ZNHIT6: variants seen among roughly 807,000 people sequenced by gnomAD.
ZNHIT6 encodes the protein box C/D snoRNA protein 1.
A neutral mutation model predicts 57.2 loss-of-function variants in ZNHIT6; 45 were observed. The observed-to-expected ratio is 0.79, with a 90% confidence interval of 0.62 to 1.01. The LOEUF (loss-of-function observed/expected upper bound fraction) is 1.01. Ranked by LOEUF, ZNHIT6 falls within the 50% of genes least tolerant of loss-of-function variation. ZNHIT6 has a pLI of 0.00. For missense variants in ZNHIT6, 528 were observed against 567.3 expected, an observed-to-expected ratio of 0.93 and a Z score of 0.70; for synonymous variants, 188 against 190.0, an observed-to-expected ratio of 0.99 and a Z score of 0.09.
intron 9 of ZNHIT6, among the ~76,000 whole-genome samples, chr1:85,654,946 G>A (rs992653115): frequency 3.3e-5 from 5 of 152,166 alleles, no homozygotes; most frequent in Non-Finnish European, 7.3e-5. Context: ...GCTTATAAAA[G>A]CTGATGCTAG....
At chr1:85,702,070 G>A in intron 5 of ZNHIT6, 87 bp downstream of exon 5, 1 of 797,426 alleles carries the variant, frequency 1.3e-6, no homozygotes, top group Admixed American at 2.7e-5. Flanking sequence ...CCACACTTGG[G>A]GTAGCAATGC....
chr1:85,659,943 T>G (rs961097025), intron 8 of ZNHIT6, among the ~76,000 whole-genome samples: 16 of 152,210 alleles, frequency 1.1e-4, no homozygotes, highest in African/African-American at 3.9e-4. Context: ...ACTGTTTTTC[T>G]AAACCAGCCA....
intron 5 of ZNHIT6, among the ~76,000 whole-genome samples, chr1:85,688,000 G>A (rs1280309788): frequency 6.7e-6 from 1 of 149,422 alleles, no homozygotes; most frequent in Admixed American, 6.7e-5. Context: ...CCGAGATCGT[G>A]CCATTGCACT....
At chr1:85,662,117 C>T (rs1309113161) in intron 8 of ZNHIT6, among the ~76,000 whole-genome samples, 1 of 147,806 alleles carries the variant, frequency 6.8e-6, no homozygotes, top group Non-Finnish European at 1.5e-5. Context: ...AGCTCTTGAA[C>T]TTCTTTCTCT....
At chr1:85,707,467 T>G (rs538301185) in intron 1 of ZNHIT6, among the ~76,000 whole-genome samples, 162 bp downstream of exon 1, 1 of 152,252 alleles carries the variant, frequency 6.6e-6, no homozygotes, top group African/African-American at 2.4e-5. Context: ...TACAACACCC[T>G]CCACTTCCCA....
chr1:85,656,800 A>C (rs1661072651), intron 9 of ZNHIT6, among the ~76,000 whole-genome samples: 1 of 152,128 alleles, frequency 6.6e-6, no homozygotes, highest in Non-Finnish European at 1.5e-5. Flanking sequence ...GCACTGATAC[A>C]ATTTTGGCCA....
rs1570276899 is a variant in ZNHIT6, at chr1:85,654,055, T to C, written c.*3A>G. ...TTTCACTTTCTTCTTCCAGAAAAAATGCTCAATTTTCATTGCCAACGTTCT... is the reference window on the plus strand; with the variant it reads ...TTTCACTTTCTTCTTCCAGAAAAAACGCTCAATTTTCATTGCCAACGTTCT... On this transcript the variant is annotated 3_prime_UTR_variant, in exon 10 of 10. Transcript: ENST00000370574. The C allele has an allele frequency of 6.2e-7, 1 of 1,611,848 alleles. No individual in the cohort carries two copies. Among genetic ancestry groups the C allele is most frequent in the Non-Finnish European group, 8.5e-7 (1 of 1,179,020 alleles).
chr1:85,657,293 G>A (rs150587107), intron 9 of ZNHIT6, among the ~76,000 whole-genome samples: 1 of 152,094 alleles, frequency 6.6e-6, no homozygotes, highest in East Asian at 1.9e-4. Context: ...AATAAAACCA[G>A]TGGGTTTAGA....
rs780787782 is a variant in ZNHIT6, at chr1:85,708,281, C to T, written c.4G>A (p.Glu2Lys). Reference sequence around the variant, plus strand: ...TTCCCTTCATTTTCAGCAGCAAACTCCATCAACTCACGATCCTTGGCCTCT... The same window carrying T: ...TTCCCTTCATTTTCAGCAGCAAACTTCATCAACTCACGATCCTTGGCCTCT... M[E>K]FAAENEGKSG... Residue 2 changes from glutamate to lysine, a missense_variant, in exon 1 of 10, where the codon GAG becomes AAG. Physicochemically the swap from Glu to Lys is moderately conservative, Grantham distance 56. Transcript: ENST00000370574. The T allele has an allele frequency of 8.8e-6, 14 of 1,596,966 alleles. No homozygotes were observed. The highest frequency in any genetic ancestry group is 1.2e-5 in the Non-Finnish European group (14 of 1,170,076).
intron 5 of ZNHIT6, among the ~76,000 whole-genome samples, chr1:85,694,562 C>T (rs9432948): frequency 0.72 from 109,277 of 151,992 alleles, 41,946 homozygotes; most frequent in East Asian, 0.93. Flanking sequence ...CCCAGGTTCA[C>T]ACCATTCTCC....
chr1:85,655,477 C>G (rs376426065), intron 9 of ZNHIT6, among the ~76,000 whole-genome samples: 268 of 152,260 alleles, frequency 1.8e-3, no homozygotes, highest in African/African-American at 6.2e-3. Flanking sequence ...ATTTTCTAAT[C>G]TTGAGTTACA....
At position 85,702,233 on chromosome 1, in the gene ZNHIT6, T is replaced by G. The variant is rs2100719732; in HGVS notation, c.943A>C (p.Arg315=). ...YMYFMKNRAR[R]QGINLKLLPN... Reference sequence around the variant, plus strand: ...AGAAGTTTTAAGTTAATACCTTGCCTCCGGGCACGATTTTTCATAAAGTAC... The same window carrying G: ...AGAAGTTTTAAGTTAATACCTTGCCGCCGGGCACGATTTTTCATAAAGTAC... The change falls in exon 5 of 10, where the codon AGG becomes CGG. Residue 315 remains arginine, a synonymous_variant. Transcript: ENST00000370574. 1 of 1,606,032 alleles carries G rather than the reference T, an allele frequency of 6.2e-7. No individual in the cohort carries two copies. The highest frequency in any genetic ancestry group is 1.1e-5 in the South Asian group (1 of 88,852).
Position 85,651,617 on chromosome 1 carries a change from T to C in ZNHIT6, c.*2441A>G, listed in dbSNP as rs1320457567. 1 of 152,186 alleles carries C rather than the reference T, an allele frequency of 6.6e-6. No individual in the cohort carries two copies. Among genetic ancestry groups the C allele is most frequent in the African/African-American group, 2.4e-5 (1 of 41,432 alleles). 9.4% of individuals were successfully genotyped at this position (152,186 alleles called of 1,614,324 possible). A position where few individuals can be genotyped will look rare whatever the true frequency, so the allele number is the denominator to read the frequency against. ...TTAATCCTATATGTATAATTAGCAA[T>C]TATGAAAGGCCTATCTTCTCTTTGA... On this transcript the variant is annotated 3_prime_UTR_variant, in exon 10 of 10. Coordinates refer to ENST00000370574, the MANE Select transcript of ZNHIT6 (RefSeq NM_017953.4).
At position 85,651,272 on chromosome 1, in the gene ZNHIT6, C is replaced by G. The variant is rs569070966; in HGVS notation, c.*2786G>C. 1.3e-5 allele frequency: 2 copies of G among 151,734 alleles called. No individual in the cohort carries two copies. Among genetic ancestry groups the G allele is most frequent in the Non-Finnish European group, 2.9e-5 (2 of 67,944 alleles). 9.4% of individuals were successfully genotyped at this position (151,734 alleles called of 1,614,324 possible). A position where few individuals can be genotyped will look rare whatever the true frequency, so the allele number is the denominator to read the frequency against. Reference sequence around the variant, plus strand: ...TTGAGGCAGAGTCTCATTCTGTCACCCAGGCAGTGCCCAGGAATGCAGTGG... The same window carrying G: ...TTGAGGCAGAGTCTCATTCTGTCACGCAGGCAGTGCCCAGGAATGCAGTGG... On this transcript the variant is annotated 3_prime_UTR_variant, in exon 10 of 10. Transcript: ENST00000370574.
intron 8 of ZNHIT6, among the ~76,000 whole-genome samples, chr1:85,666,329 A>G (rs186913645): frequency 6.6e-6 from 1 of 152,334 alleles, no homozygotes; most frequent in East Asian, 1.9e-4. Flanking sequence ...ATTCTATAAC[A>G]TAACAAGGAT....
At chr1:85,685,335 A>G (rs1031462752) in intron 5 of ZNHIT6, among the ~76,000 whole-genome samples, 1 of 152,214 alleles carries the variant, frequency 6.6e-6, no homozygotes, top group Non-Finnish European at 1.5e-5. Context: ...CATCTACATA[A>G]TGAATTTTAA....
chr1:85,706,102 C>CA lies in ZNHIT6; in HGVS notation c.890dup (p.Leu297PhefsTer8), dbSNP rs761793124. On this transcript the variant is annotated frameshift_variant, in exon 4 of 10. Coordinates refer to ENST00000370574, the MANE Select transcript of ZNHIT6 (RefSeq NM_017953.4). LOFTEE classifies it high-confidence loss of function. Reference sequence around the variant, plus strand: ...CATATTTATTGCTTATTGGTCTCTTCAAAAAAGCATCTCTAGAAATATGGT... The same window carrying CA: ...CATATTTATTGCTTATTGGTCTCTTCAAAAAAAGCATCTCTAGAAATATGGT... 1 of 1,613,434 alleles carries CA rather than the reference C, an allele frequency of 6.2e-7. No individual in the cohort carries two copies. The highest frequency in any genetic ancestry group is 8.5e-7 in the Non-Finnish European group (1 of 1,179,736).
At position 85,704,133 on chromosome 1, in the gene ZNHIT6, C is replaced by T. The variant is rs150120967; in HGVS notation, c.916-1873G>A. ...AAAGTCTTACCAAACTAAGTATTGG[C>T]GAGAATATGACAATAGGTACATTCA... On this transcript the variant is annotated intron_variant, in intron 4 of 9. Coordinates refer to ENST00000370574, the MANE Select transcript of ZNHIT6 (RefSeq NM_017953.4). Among the ~76,000 whole-genome samples the T allele has an allele frequency of 1.2e-3, 189 of 152,190 alleles. 2 individuals are homozygous for T. The Middle Eastern group carries it at 0.02, about 16-fold the overall frequency.
chr1:85,649,934 A>G lies in ZNHIT6; in HGVS notation c.*4124T>C, dbSNP rs1660859975. On this transcript the variant is annotated 3_prime_UTR_variant, in exon 10 of 10. Coordinates refer to ENST00000370574, the MANE Select transcript of ZNHIT6 (RefSeq NM_017953.4). ...AAGAAGAGATTAAAATCTCTAGTTA[A>G]AAACAATCAAGACTTGCAGATTAAA... The G allele has an allele frequency of 6.6e-6, 1 of 152,248 alleles. No homozygotes were observed. Among genetic ancestry groups the G allele is most frequent in the Admixed American group, 6.5e-5 (1 of 15,286 alleles). 9.4% of individuals were successfully genotyped at this position (152,248 alleles called of 1,614,324 possible).
Sources: allele counts gnomAD v4.1 joint callset (sites outside exome capture counted in the v4.1 genomes callset), GRCh38; gene constraint gnomAD v4.1.1; transcripts MANE v1.5; gene names NCBI Gene and HGNC (gene_info 2026-07-23, HGNC 2026-07-21).